Variants in ZSWIM7 observed in about 807,000 individuals in gnomAD.
ZSWIM7 encodes the protein zinc finger SWIM-type containing 7.
Under a neutral mutation model 21.1 loss-of-function variants are expected in ZSWIM7, and 22 were observed. That is an observed-to-expected ratio of 1.04 (90% confidence interval 0.74 to 1.49). The LOEUF is 1.49. Among genes scored for constraint, ZSWIM7 ranks in the 40% most tolerant of loss-of-function variants. ZSWIM7 has a pLI of 0.00. For missense variants in ZSWIM7, 193 were observed against 168.0 expected, an observed-to-expected ratio of 1.15 and a Z score of -0.82; for synonymous variants, 67 against 66.5, an observed-to-expected ratio of 1.01 and a Z score of -0.04.
intron 4 of ZSWIM7, 74 bp downstream of exon 4, chr17:15,980,966 A>G: frequency 9.3e-7 from 1 of 1,077,842 alleles, no homozygotes; most frequent in Non-Finnish European, 1.3e-6. Context: ...ATTTTGTAGA[A>G]TAGTTAAACC....
chr17:15,990,219 CAA>C (rs71299859), intron 2 of ZSWIM7, among the ~76,000 whole-genome samples: 20 of 76,020 alleles, frequency 2.6e-4, no homozygotes, highest in African/African-American at 3.3e-4. Flanking sequence ...AACTCTGTCT[CAA>C]AAAAAAAAAA....
In ZSWIM7 at chr17:15,999,694, C is replaced by T. The variant is rs1177028758; in HGVS notation, c.-100G>A. On this transcript the variant is annotated 5_prime_UTR_variant, in exon 1 of 5. Transcript: ENST00000399277. ...ATCCTGACCCCCCGCCGGGGCAGGG[C>T]GAGACGGAGTGACGTCGGGGCGCGT... is the stretch of plus-strand genomic sequence containing the variant. The T allele has an allele frequency of 5.1e-6, 8 of 1,554,768 alleles. No individual in the cohort carries two copies. The African/African-American group carries it at 5.4e-5, about 11-fold the overall frequency.
At chr17:15,988,110 C>T (rs1020751215) in intron 2 of ZSWIM7, among the ~76,000 whole-genome samples, 28 of 152,082 alleles carry the variant, frequency 1.8e-4, no homozygotes, top group African/African-American at 6.0e-4. Flanking sequence ...AACAAACACA[C>T]GTGCATAGAT....
chr17:15,978,724 G>T (rs1196558539), intron 4 of ZSWIM7, among the ~76,000 whole-genome samples: 1 of 152,212 alleles, frequency 6.6e-6, no homozygotes, highest in East Asian at 1.9e-4. Flanking sequence ...CAGGCACAAG[G>T]TATGTAACCC....
At chr17:15,990,676 A>C (rs542768937) in intron 2 of ZSWIM7, among the ~76,000 whole-genome samples, 29 of 152,348 alleles carry the variant, frequency 1.9e-4, no homozygotes, top group Non-Finnish European at 3.5e-4. Flanking sequence ...TCAAAATTAA[A>C]ATGTTCAACT....
chr17:15,982,717 C>CAT (rs1970369494), intron 3 of ZSWIM7, among the ~76,000 whole-genome samples: 2 of 152,146 alleles, frequency 1.3e-5, no homozygotes, highest in Non-Finnish European at 2.9e-5. Context: ...AGTGGCAGAT[C>CAT]ATAGCTCATT....
intron 1 of ZSWIM7, among the ~76,000 whole-genome samples, chr17:15,995,270 C>CTT (rs1186343441): frequency 2.8e-5 from 4 of 142,830 alleles, no homozygotes; most frequent in Admixed American, 7.1e-5. Context: ...CCCCGTCTCT[C>CTT]TTTTTTTTTT....
intron 3 of ZSWIM7, among the ~76,000 whole-genome samples, chr17:15,981,630 G>A (rs549135835): frequency 2.0e-5 from 3 of 152,262 alleles, no homozygotes; most frequent in Non-Finnish European, 2.9e-5. Flanking sequence ...GTCTCAGGCC[G>A]GGTGTGGTGG....
chr17:15,996,953 C>T (rs1970562532), intron 1 of ZSWIM7, among the ~76,000 whole-genome samples: 1 of 151,804 alleles, frequency 6.6e-6, no homozygotes, highest in Non-Finnish European at 1.5e-5. Context: ...GAGCTCCAGA[C>T]TTCGAGTCCA....
At chr17:15,985,464 G>A (rs1970398497) in intron 3 of ZSWIM7, among the ~76,000 whole-genome samples, 1 of 152,138 alleles carries the variant, frequency 6.6e-6, no homozygotes, top group African/African-American at 2.4e-5. Context: ...CACTAAGGCA[G>A]TATGTGACTC....
intron 3 of ZSWIM7, among the ~76,000 whole-genome samples, chr17:15,982,363 G>A (rs1220514505): frequency 1.3e-5 from 2 of 152,186 alleles, no homozygotes; most frequent in Non-Finnish European, 2.9e-5. Flanking sequence ...AATGTCCTGA[G>A]GGTGATTTTA....
chr17:15,993,842 C>T, intron 1 of ZSWIM7, 64 bp from the exon 2 acceptor site: 1 of 1,282,154 alleles, frequency 7.8e-7, no homozygotes, highest in Admixed American at 2.1e-5. Flanking sequence ...ACATAAAAAT[C>T]TTAAAAAACA....
intron 2 of ZSWIM7, among the ~76,000 whole-genome samples, chr17:15,988,051 G>A (rs1970437272): frequency 1.3e-5 from 2 of 152,004 alleles, no homozygotes; most frequent in Non-Finnish European, 2.9e-5. Flanking sequence ...TCCTGTTAAT[G>A]TGTTCATATT....
At chr17:15,993,347 AT>A (rs201777460) in intron 2 of ZSWIM7, among the ~76,000 whole-genome samples, 4,465 of 116,322 alleles carry the variant, frequency 0.038, 223 homozygotes, top group African/African-American at 0.15. Context: ...TTTATTTTTT[AT>A]TTTATTTATT....
In ZSWIM7 at chr17:15,999,277, G is replaced by A. The variant is rs188559965; in HGVS notation, c.76+242C>T. Reference sequence around the variant, plus strand: ...CCACTGGCCTACTCGCTCCGACGGAGGGGCTCCTGCAACTGCGCTGTACCG... The same window carrying A: ...CCACTGGCCTACTCGCTCCGACGGAAGGGCTCCTGCAACTGCGCTGTACCG... On this transcript the variant is annotated intron_variant, in intron 1 of 4. Transcript: ENST00000399277. 19 of 627,694 alleles carry A rather than the reference G, an allele frequency of 3.0e-5. No homozygotes were observed. The Admixed American group carries it at 3.5e-4, about 12-fold the overall frequency. The allele number at this position is 627,694 out of a possible 1,614,324, so 38.9% of individuals were successfully genotyped here.
intron 4 of ZSWIM7, among the ~76,000 whole-genome samples, chr17:15,979,649 G>A (rs958013944): frequency 2.5e-5 from 3 of 121,854 alleles, no homozygotes; most frequent in African/African-American, 9.8e-5. Context: ...CGGACGGGGC[G>A]GCTGGCTGGG....
intron 4 of ZSWIM7, 65 bp downstream of exon 4, chr17:15,980,975 C>T: frequency 7.9e-7 from 1 of 1,268,304 alleles, no homozygotes; most frequent in Non-Finnish European, 1.1e-6. Flanking sequence ...AATAGTTAAA[C>T]CACAAAGTAA....
rs1411237853 is a variant in ZSWIM7 at position 15,979,639 on chromosome 17, C to T, written c.306+1401G>A. 7.4e-4 allele frequency among the ~76,000 whole-genome samples: 98 copies of T among 132,972 alleles called. 4 individuals are homozygous for T. The highest frequency in any genetic ancestry group is 2.7e-3 in the African/African-American group (90 of 33,940). 87.2% of individuals were successfully genotyped at this position (132,972 alleles called of 152,430 possible). ...GGGGCTGACCCCCCCACCTCCCTCC[C>T]GGACGGGGCGGCTGGCTGGGCGGAG... On this transcript the variant is annotated intron_variant, in intron 4 of 4. Transcript: ENST00000399277.
chr17:15,984,524 G>A (rs909063804), intron 3 of ZSWIM7, among the ~76,000 whole-genome samples: 1 of 152,156 alleles, frequency 6.6e-6, no homozygotes. Context: ...GTTCTACTGT[G>A]GTTTCAGTTA....
Sources: gnomAD v4.1 joint callset for allele counts (sites outside exome capture counted in the v4.1 genomes callset) on GRCh38, gnomAD v4.1.1 for gene constraint, MANE v1.5 for transcripts, NCBI Gene and HGNC (gene_info 2026-07-23, HGNC 2026-07-21) for gene names.